Variants in EEPD1 observed in about 807,000 individuals in gnomAD.
EEPD1 encodes endonuclease/exonuclease/phosphatase family domain containing 1, also known as endonuclease/exonuclease/phosphatase family domain-containing protein 1.
EEPD1 carries 17 observed loss-of-function variants against 46.3 expected under a neutral mutation model. The ratio of observed to expected loss-of-function variants is 0.37; its 90% CI spans 0.25 to 0.55. The LOEUF (loss-of-function observed/expected upper bound fraction) is 0.55, where lower values mean the gene tolerates loss of function less well. Among genes scored for constraint, EEPD1 ranks in the 20% least tolerant of loss-of-function variants. The pLI is 0.83. For synonymous variants in EEPD1, 313 were observed against 315.6 expected, an observed-to-expected ratio of 0.99 and a Z score of 0.09; for missense variants, 673 against 745.6, an observed-to-expected ratio of 0.90 and a Z score of 1.13.
At chr7:36,204,215 T>C (rs977900360) in intron 2 of EEPD1, among the ~76,000 whole-genome samples, 7 of 151,806 alleles carry the variant, frequency 4.6e-5, no homozygotes, top group Admixed American at 1.3e-4. Flanking sequence ...AAAAAAAATT[T>C]TGTGGAGAGA....
At chr7:36,212,516 C>G (rs1015469509) in intron 2 of EEPD1, among the ~76,000 whole-genome samples, 1 of 40,146 alleles carries the variant, frequency 2.5e-5, no homozygotes, top group African/African-American at 5.7e-5. Flanking sequence ...ACAATATAAC[C>G]ATTAAAAATA....
chr7:36,171,405 A>G (rs1444896483), intron 2 of EEPD1, among the ~76,000 whole-genome samples: 1 of 152,248 alleles, frequency 6.6e-6, no homozygotes, highest in Non-Finnish European at 1.5e-5. Context: ...GTAAGTGTTT[A>G]AAATTAATTT....
At chr7:36,217,263 A>G (rs1311839119) in intron 2 of EEPD1, among the ~76,000 whole-genome samples, 1 of 152,262 alleles carries the variant, frequency 6.6e-6, no homozygotes, top group Middle Eastern at 3.2e-3. Flanking sequence ...GAGGTGGGCA[A>G]TTCCTGGAAC....
chr7:36,153,950 A>G (rs1784768520), intron 1 of EEPD1, among the ~76,000 whole-genome samples, 183 bp from the exon 2 acceptor site: 1 of 152,106 alleles, frequency 6.6e-6, no homozygotes, highest in South Asian at 2.1e-4. Flanking sequence ...CCAGTGTGAT[A>G]AAACCCGGAC....
chr7:36,226,192 T>C (rs1391919751), intron 2 of EEPD1, among the ~76,000 whole-genome samples: 1 of 152,246 alleles, frequency 6.6e-6, no homozygotes, highest in East Asian at 1.9e-4. Context: ...GTTGTAATGC[T>C]GCTTGTCCGA....
At chr7:36,166,780 C>T (rs1021384936) in intron 2 of EEPD1, among the ~76,000 whole-genome samples, 14 of 152,160 alleles carry the variant, frequency 9.2e-5, no homozygotes, top group Non-Finnish European at 2.1e-4. Context: ...TCACAAAAGT[C>T]CCTTCCAATC....
intron 2 of EEPD1, among the ~76,000 whole-genome samples, chr7:36,200,170 T>C (rs759612548): frequency 2.0e-5 from 3 of 152,184 alleles, no homozygotes; most frequent in Non-Finnish European, 1.5e-5. Flanking sequence ...TGTGTGTTGT[T>C]CCCCTCTTTG....
chr7:36,228,551 C>A (rs932281332), intron 2 of EEPD1: 2 of 151,702 alleles, frequency 1.3e-5, no homozygotes, highest in African/African-American at 4.8e-5. Context: ...AAAAAAACTG[C>A]TGTGGAAAAT....
chr7:36,203,822 A>C (rs1367373035), intron 2 of EEPD1, among the ~76,000 whole-genome samples: 1 of 152,176 alleles, frequency 6.6e-6, no homozygotes, highest in African/African-American at 2.4e-5. Flanking sequence ...ACAAAGAATC[A>C]CCCATAAATA....
chr7:36,214,770 G>T (rs561092225), intron 2 of EEPD1, among the ~76,000 whole-genome samples: 1 of 152,306 alleles, frequency 6.6e-6, no homozygotes, highest in East Asian at 1.9e-4. Context: ...ATTGACGCAG[G>T]AGCTTCCCAG....
chr7:36,272,984 G>A (rs915957940), intron 3 of EEPD1, among the ~76,000 whole-genome samples: 1 of 152,238 alleles, frequency 6.6e-6, no homozygotes, highest in African/African-American at 2.4e-5. Flanking sequence ...TGGGAGGAAA[G>A]TTGACCGATG....
intron 3 of EEPD1, among the ~76,000 whole-genome samples, chr7:36,248,345 A>G (rs1486325722): frequency 6.6e-6 from 1 of 151,472 alleles, no homozygotes. Flanking sequence ...AGCTGGAATT[A>G]CAGGCTTGCA....
Position 36,177,364 on chromosome 7 carries a change from A to G in EEPD1, c.878+22162A>G, listed in dbSNP as rs573470797. 3.9e-5 allele frequency among the ~76,000 whole-genome samples: 6 copies of G among 152,204 alleles called. No homozygotes were observed. The South Asian group carries it at 1.2e-3, about 32-fold the overall frequency. On this transcript the variant is annotated intron_variant, in intron 2 of 7. Transcript: ENST00000242108. The stretch of plus-strand genomic sequence containing the variant: ...TGAGGTTTGGGGTATGAATGACCCC[A>G]TCATCCAGGTAGTGAGCATAGTACC...
At chr7:36,252,830 T>A (rs1049706940) in intron 3 of EEPD1, among the ~76,000 whole-genome samples, 5 of 8,354 alleles carry the variant, frequency 6.0e-4, no homozygotes, top group African/African-American at 1.7e-3. Context: ...TGTTCTCTCC[T>A]TTTTTTTTTT....
intron 2 of EEPD1, among the ~76,000 whole-genome samples, chr7:36,191,008 C>G (rs1285500054): frequency 2.0e-5 from 3 of 152,214 alleles, no homozygotes; most frequent in Admixed American, 1.3e-4. Context: ...CTTAAGAGGT[C>G]TCTAGACTTA....
chr7:36,184,751 G>C (rs1391136735), intron 2 of EEPD1, among the ~76,000 whole-genome samples: 2 of 151,906 alleles, frequency 1.3e-5, no homozygotes, highest in Non-Finnish European at 2.9e-5. Flanking sequence ...ATTTTTTTGA[G>C]ACAGGGTCTC....
At chr7:36,180,268 A>G (rs1164539942) in intron 2 of EEPD1, among the ~76,000 whole-genome samples, 3 of 152,126 alleles carry the variant, frequency 2.0e-5, no homozygotes, top group Non-Finnish European at 4.4e-5. Flanking sequence ...TCTGATCCCC[A>G]TTTGTCCTCA....
chr7:36,231,638 T>C (rs1786331650), intron 2 of EEPD1, among the ~76,000 whole-genome samples: 1 of 152,152 alleles, frequency 6.6e-6, no homozygotes, highest in South Asian at 2.1e-4. Flanking sequence ...AGGAACTGTG[T>C]GTTCATCTTG....
intron 3 of EEPD1, among the ~76,000 whole-genome samples, chr7:36,273,778 T>A (rs1270257353): frequency 6.6e-6 from 1 of 152,204 alleles, no homozygotes; most frequent in Admixed American, 6.5e-5. Flanking sequence ...TGTTCAGTGA[T>A]GTGTGCAGGG....
Sources: gnomAD v4.1 joint callset for allele counts (sites outside exome capture counted in the v4.1 genomes callset) on GRCh38, gnomAD v4.1.1 for gene constraint, MANE v1.5 for transcripts, NCBI Gene and HGNC (gene_info 2026-07-23, HGNC 2026-07-21) for gene names.